The following TEDC2 variants were observed in gnomAD, a reference collection of about 807,000 sequenced individuals.
TEDC2 encodes tubulin epsilon and delta complex 2.
Under a neutral mutation model 48.1 loss-of-function variants are expected in TEDC2, and 49 were observed. That is an observed-to-expected ratio of 1.02 (90% CI 0.81 to 1.29). The LOEUF is 1.29. Ranked by LOEUF, TEDC2 falls within the 50% of genes most tolerant of loss-of-function variation. The pLI, the probability that TEDC2 is intolerant of heterozygous loss-of-function variation, is 0.00. For missense variants in TEDC2, 631 were observed against 571.4 expected (o/e 1.10, Z -1.06); for synonymous variants, 299 against 247.1 (o/e 1.21, Z -1.97).
In TEDC2 at chr16:2,460,982, C is replaced by T; in HGVS notation, c.363C>T (p.Ala121=). 1 of 1,613,374 alleles carries T rather than the reference C, an allele frequency of 6.2e-7. No individual in the cohort carries two copies. Among genetic ancestry groups the T allele is most frequent in the Non-Finnish European group, 8.5e-7 (1 of 1,180,002 alleles). ...IVTSSGTTAS[A]PPHSPGQAGG... ...CCTCTTCTGGCACGACAGCCTCCGC[C>T]CCACCGCATTCCCCAGGCCAAGCTG... The change falls in exon 4 of 10, where the codon GCC becomes GCT. Residue 121 remains alanine (A), a synonymous_variant. Coordinates refer to ENST00000361837, the MANE Select transcript of TEDC2 (RefSeq NM_025108.3).
At chr16:2,464,408 G>A (rs1348555292) in intron 9 of TEDC2, 114 bp from the exon 10 acceptor site, 2 of 1,348,226 alleles carry the variant, frequency 1.5e-6, no homozygotes, top group Non-Finnish European at 2.0e-6. Context: ...GAGGGAGCCT[G>A]GAGCCTCAGA....
Position 2,461,173 on chromosome 16 carries a change from C to G in TEDC2, c.554C>G (p.Ala185Gly). 6.6e-7 allele frequency: 1 copy of G among 1,514,346 alleles called. No homozygotes were observed. Among genetic ancestry groups the G allele is most frequent in the Non-Finnish European group, 8.8e-7 (1 of 1,132,484 alleles). 93.8% of individuals were successfully genotyped at this position (1,514,346 alleles called of 1,614,324 possible). The change falls in exon 4 of 10, where the codon GCC (alanine) becomes GGC (glycine). Residue 185 changes from alanine to glycine, a missense_variant. By Grantham distance (60) the Ala-to-Gly change is moderately conservative. Coordinates refer to ENST00000361837, the MANE Select transcript of TEDC2 (RefSeq NM_025108.3). The part of the protein sequence containing the change: ...PGAGLRDQQM[A>G]PSAAPQAPEA... The stretch of plus-strand genomic sequence containing the variant: ...GCGGGCCTCAGGGACCAGCAAATGG[C>G]CCCATCCGCTGCTCCTCAGGCCCCA...
Position 2,464,220 on chromosome 16 carries a change from C to G in TEDC2, c.1146C>G (p.His382Gln). The G allele has an allele frequency of 6.2e-7, 1 of 1,611,838 alleles. No homozygotes were observed. The highest frequency in any genetic ancestry group is 8.5e-7 in the Non-Finnish European group (1 of 1,179,502). Residue 382 changes from histidine (H) to glutamine (Q), a missense_variant, in exon 9 of 10, where the codon CAC (histidine) becomes CAG (glutamine). Transcript: ENST00000361837. Reference sequence around the variant, plus strand: ...TGGCTGTGCTGGACCAGCAGATCCACTTGGAAAAGGTGCTTCTGGAAGAGG... The same window carrying G: ...TGGCTGTGCTGGACCAGCAGATCCAGTTGGAAAAGGTGCTTCTGGAAGAGG... ...LRVAVLDQQIHLEKVLMAELL... is the reference protein window; with the variant it reads ...LRVAVLDQQIQLEKVLMAELL...
chr16:2,462,465 G>C lies in TEDC2; in HGVS notation c.801G>C (p.Ala267=), dbSNP rs775882364. The C allele has an allele frequency of 1.2e-6, 2 of 1,610,788 alleles. No homozygotes were observed. The highest frequency in any genetic ancestry group is 2.2e-5 in the East Asian group (1 of 44,880). ...RLSAVEVEAE[A]GRLRKACSLL... ...GTGCTGTGGAGGTGGAGGCGGAGGC[G>C]GGGCGCCTGCGGAAGGCCTGCTCGC... The change falls in exon 7 of 10, where the codon GCG becomes GCC. Residue 267 remains alanine, a synonymous_variant. Coordinates refer to ENST00000361837, the MANE Select transcript of TEDC2 (RefSeq NM_025108.3).
In TEDC2 at chr16:2,464,435, G is replaced by A. The variant is rs951404650; in HGVS notation, c.1156-87G>A. The A allele has an allele frequency of 9.4e-5, 134 of 1,422,550 alleles. 1 individual carries two copies. The highest frequency in any genetic ancestry group is 1.1e-4 in the Non-Finnish European group (122 of 1,064,004). 88.1% of individuals were successfully genotyped at this position (1,422,550 alleles called of 1,614,324 possible). A position where few individuals can be genotyped will look rare whatever the true frequency, so the allele number is the denominator to read the frequency against. On this transcript the variant is annotated intron_variant, in intron 9 of 9. Transcript: ENST00000361837. Reference sequence around the variant, plus strand: ...AGCCTCAGAAGGAGGGAGGAGGGCTGAAGCATGGGGGCCTCGAAGCCTGTC... The same window carrying A: ...AGCCTCAGAAGGAGGGAGGAGGGCTAAAGCATGGGGGCCTCGAAGCCTGTC...
intron 4 of TEDC2, 188 bp downstream of exon 4, chr16:2,461,412 C>A: frequency 2.5e-6 from 2 of 800,000 alleles, no homozygotes; most frequent in Non-Finnish European, 3.7e-6. Flanking sequence ...TTGGCACCAT[C>A]AGGTCAGGGA....
In TEDC2 at chr16:2,460,838, C is replaced by T. The variant is rs756076514; in HGVS notation, c.219C>T (p.Asp73=). The T allele has an allele frequency of 1.2e-6, 2 of 1,612,986 alleles. No homozygotes were observed. Among genetic ancestry groups the T allele is most frequent in the Middle Eastern group, 1.7e-4 (1 of 6,060 alleles). Residue 73 remains aspartate (D), a synonymous_variant, in exon 4 of 10, where the codon GAC becomes GAT. Coordinates refer to ENST00000361837, the MANE Select transcript of TEDC2 (RefSeq NM_025108.3). ...CAGCATGCACACCCAGTCCACAAGA[C>T]CTCAAAGAGTTGGAGTTTCTGACCC... The part of the protein sequence containing the change: ...PLPACTPSPQ[D]LKELEFLTQA...
intron 8 of TEDC2, 44 bp from the exon 9 acceptor site, chr16:2,463,995 G>C: frequency 6.3e-7 from 1 of 1,577,782 alleles, no homozygotes; most frequent in Non-Finnish European, 8.6e-7. Context: ...CGGGGCCCTG[G>C]GTTCGGCTGC....
At position 2,464,704 on chromosome 16, in the gene TEDC2, G is replaced by C. The variant is rs201351743; in HGVS notation, c.*36G>C. 3 of 1,611,106 alleles carry C rather than the reference G, an allele frequency of 1.9e-6. No individual in the cohort carries two copies. The South Asian group carries it at 3.3e-5, about 18-fold the overall frequency. On this transcript the variant is annotated 3_prime_UTR_variant, in exon 10 of 10. Coordinates refer to ENST00000361837, the MANE Select transcript of TEDC2 (RefSeq NM_025108.3). The stretch of plus-strand genomic sequence containing the variant: ...TGCTGCCCTCGGCCTGTTCAGATGG[G>C]GATTGGGGGTGTCTTCCCTGGCACT...
chr16:2,462,298 T>G (rs2065471680), intron 6 of TEDC2, 59 bp downstream of exon 6: 1 of 1,605,780 alleles, frequency 6.2e-7, no homozygotes, highest in Non-Finnish European at 8.5e-7. Flanking sequence ...CTGGCAGGTT[T>G]GCAGAGCAGC....
Position 2,462,412 on chromosome 16 carries a change from C to G in TEDC2, c.751-3C>G. The G allele has an allele frequency of 6.2e-7, 1 of 1,611,992 alleles. No individual in the cohort carries two copies. Among genetic ancestry groups the G allele is most frequent in the Non-Finnish European group, 8.5e-7 (1 of 1,179,742 alleles). Reference sequence around the variant, plus strand: ...CAGGGAAGTTTTCCTGACCCATATCCAGTCAGGCGGGCCCCAGCCCAGGCT... The same window carrying G: ...CAGGGAAGTTTTCCTGACCCATATCGAGTCAGGCGGGCCCCAGCCCAGGCT... On this transcript the variant is annotated splice_region_variant and splice_polypyrimidine_tract_variant and intron_variant, in intron 6 of 9. Transcript: ENST00000361837.
At chr16:2,463,047 C>T (rs1178708667) in intron 8 of TEDC2, among the ~76,000 whole-genome samples, 2 of 152,214 alleles carry the variant, frequency 1.3e-5, no homozygotes, top group East Asian at 1.9e-4. Context: ...GAGGGCCGGG[C>T]GCGGTGGCTC....
chr16:2,462,037 C>G (rs1414439839), intron 5 of TEDC2, 112 bp from the exon 6 acceptor site: 2 of 1,263,360 alleles, frequency 1.6e-6, no homozygotes, highest in African/African-American at 3.0e-5. Flanking sequence ...AGCCAGACGC[C>G]CAGCCTGGGG....
intron 8 of TEDC2, chr16:2,463,820 A>G (rs980701391): frequency 7.2e-6 from 4 of 553,684 alleles, no homozygotes; most frequent in African/African-American, 5.7e-5. Flanking sequence ...GCATAAACAC[A>G]GTAAAGAAAT....
chr16:2,464,556 C>A lies in TEDC2; in HGVS notation c.1190C>A (p.Ala397Asp). 1 of 1,599,882 alleles carries A rather than the reference C, an allele frequency of 6.3e-7. No individual in the cohort carries two copies. Among genetic ancestry groups the A allele is most frequent in the South Asian group, 1.1e-5 (1 of 90,232 alleles). Residue 397 changes from alanine (A) to aspartate (D), a missense_variant, in exon 10 of 10, where the codon GCT becomes GAT. Ala to Asp is a moderately radical substitution (Grantham distance 126). Transcript: ENST00000361837. Reference sequence around the variant, plus strand: ...GCTGAACTCCTCCCCCTGGTAAGCGCTGCACAGCCGCAGGGGCCGCCCTGG... The same window carrying A: ...GCTGAACTCCTCCCCCTGGTAAGCGATGCACAGCCGCAGGGGCCGCCCTGG... ...LMAELLPLVS[A>D]AQPQGPPWLA...
chr16:2,463,690 G>T (rs948235749), intron 8 of TEDC2, among the ~76,000 whole-genome samples: 1 of 152,098 alleles, frequency 6.6e-6, no homozygotes, highest in Non-Finnish European at 1.5e-5. Context: ...ACTCGCCTGG[G>T]ATTGCGTGAG....
intron 8 of TEDC2, 131 bp downstream of exon 8, chr16:2,462,863 C>T: frequency 1.3e-6 from 1 of 765,594 alleles, no homozygotes; most frequent in Non-Finnish European, 2.1e-6. Context: ...GTGGGCCCCT[C>T]CACCCCTCCC....
intron 8 of TEDC2, 93 bp downstream of exon 8, chr16:2,462,825 G>A (rs963861256): frequency 6.8e-5 from 83 of 1,221,418 alleles, no homozygotes; most frequent in Non-Finnish European, 4.4e-5. Context: ...AGGGAAGGGT[G>A]AGCAGCCCAG....
At chr16:2,462,060 C>A in intron 5 of TEDC2, 89 bp from the exon 6 acceptor site, 1 of 1,438,068 alleles carries the variant, frequency 7.0e-7, no homozygotes, top group Admixed American at 1.8e-5. Flanking sequence ...CCCACCCTGG[C>A]CCTTGCCTAC....
Sources: allele counts gnomAD v4.1 joint callset (sites outside exome capture counted in the v4.1 genomes callset), GRCh38; gene constraint gnomAD v4.1.1; transcripts MANE v1.5; gene names NCBI Gene and HGNC (gene_info 2026-07-23, HGNC 2026-07-21).